RIMS1: variants seen among roughly 807,000 people sequenced by gnomAD.
RIMS1 encodes the protein regulating synaptic membrane exocytosis protein 1.
RIMS1 carries 83 observed loss-of-function variants against 214.1 expected under a neutral mutation model. The ratio of observed to expected loss-of-function variants is 0.39; its 90% CI spans 0.32 to 0.47. The LOEUF (loss-of-function observed/expected upper bound fraction) is 0.47, where lower values mean the gene tolerates loss of function less well. Among genes scored for constraint, RIMS1 ranks in the 20% least tolerant of loss-of-function variants. The pLI is 0.99. For synonymous variants in RIMS1, 793 were observed against 786.8 expected (o/e 1.01, Z -0.13); for missense variants, 2,050 against 2,161.8 (o/e 0.95, Z 1.03).
At chr6:72,138,253 T>C (rs1049759850) in intron 4 of RIMS1, among the ~76,000 whole-genome samples, 1 of 152,242 alleles carries the variant, frequency 6.6e-6, no homozygotes, top group Non-Finnish European at 1.5e-5. Flanking sequence ...ATGAAACTTA[T>C]TATTTTCAAA....
chr6:71,901,952 T>C (rs1293030186), intron 1 of RIMS1, among the ~76,000 whole-genome samples: 1 of 151,978 alleles, frequency 6.6e-6, no homozygotes, highest in Non-Finnish European at 1.5e-5. Flanking sequence ...GAAAGATGAA[T>C]AAAAACAAAT....
chr6:72,150,638 T>C (rs2153900310), intron 4 of RIMS1, among the ~76,000 whole-genome samples: 1 of 152,366 alleles, frequency 6.6e-6, no homozygotes, highest in South Asian at 2.1e-4. Context: ...TCACCTTACA[T>C]GTGATCTAAT....
intron 1 of RIMS1, among the ~76,000 whole-genome samples, chr6:71,925,819 T>C (rs1404762228): frequency 6.6e-6 from 1 of 152,276 alleles, no homozygotes; most frequent in Non-Finnish European, 1.5e-5. Context: ...CAAGTGATTA[T>C]GTCTTTGGAC....
chr6:72,186,190 C>G (rs563057016), intron 6 of RIMS1, among the ~76,000 whole-genome samples: 2 of 152,162 alleles, frequency 1.3e-5, no homozygotes, highest in Non-Finnish European at 2.9e-5. Flanking sequence ...GGGGTCAACC[C>G]CTAACCCCTG....
intron 1 of RIMS1, among the ~76,000 whole-genome samples, chr6:71,950,961 G>T (rs966321560): frequency 6.6e-6 from 1 of 152,138 alleles, no homozygotes; most frequent in African/African-American, 2.4e-5. Flanking sequence ...AGCATTTTAA[G>T]ATGTTATAAC....
intron 28 of RIMS1, among the ~76,000 whole-genome samples, chr6:72,333,064 G>C (rs2096725952): frequency 6.6e-6 from 1 of 151,872 alleles, no homozygotes; most frequent in African/African-American, 2.4e-5. Flanking sequence ...TGTTGTTTTA[G>C]TTTTAGTTTT....
At chr6:72,315,318 T>C (rs1053690785) in intron 28 of RIMS1, among the ~76,000 whole-genome samples, 68 of 152,350 alleles carry the variant, frequency 4.5e-4, no homozygotes, top group African/African-American at 1.3e-3. Flanking sequence ...AGAGTATAAA[T>C]AAACTTCTTA....
intron 9 of RIMS1, among the ~76,000 whole-genome samples, chr6:72,241,452 C>A (rs915723670): frequency 6.6e-6 from 1 of 152,012 alleles, no homozygotes; most frequent in African/African-American, 2.4e-5. Context: ...AAAATAAATA[C>A]TTTTTTTCAC....
chr6:71,892,931 T>G (rs886082964), intron 1 of RIMS1, among the ~76,000 whole-genome samples: 1 of 152,164 alleles, frequency 6.6e-6, no homozygotes, highest in African/African-American at 2.4e-5. Flanking sequence ...TGACTTTTTA[T>G]AGGTGTGAAC....
chr6:72,313,484 C>T (rs1427931865), intron 27 of RIMS1, 22 bp from the exon 28 acceptor site: 2 of 1,607,038 alleles, frequency 1.2e-6, no homozygotes, highest in Admixed American at 1.7e-5. Context: ...GGAGCTCACA[C>T]TTTCTTGTTT....
chr6:72,378,532 A>G (rs2154415049), intron 29 of RIMS1, among the ~76,000 whole-genome samples: 1 of 152,362 alleles, frequency 6.6e-6, no homozygotes, highest in South Asian at 2.1e-4. Context: ...TTAAACTATT[A>G]GAAAAGGACA....
intron 29 of RIMS1, among the ~76,000 whole-genome samples, chr6:72,352,076 G>A (rs913851192): frequency 6.6e-6 from 1 of 152,206 alleles, no homozygotes; most frequent in Non-Finnish European, 1.5e-5. Flanking sequence ...CATTGAAGTT[G>A]GCCGAGGAGG....
At position 72,333,810 on chromosome 6, in the gene RIMS1, A is replaced by G. The variant is rs1477448966; in HGVS notation, c.4341A>G (p.Arg1447=). ...TTGCCATAGTGTCTCGAAGGAGTAGAAGCACATCCCAGCTTAGTCAAACAG... is the reference window on the plus strand; with the variant it reads ...TTGCCATAGTGTCTCGAAGGAGTAGGAGCACATCCCAGCTTAGTCAAACAG... ...KVVAIVSRRS[R]STSQLSQTES... The change falls in exon 29 of 34, where the codon AGA becomes AGG. Residue 1447 remains arginine (R), a synonymous_variant. Coordinates refer to ENST00000521978, the MANE Select transcript of RIMS1 (RefSeq NM_014989.7). 10 of 1,588,402 alleles carry G rather than the reference A, an allele frequency of 6.3e-6. No homozygotes were observed. Among genetic ancestry groups the G allele is most frequent in the Non-Finnish European group, 8.6e-6 (10 of 1,167,134 alleles).
chr6:72,245,973 T>A (rs2069387903), intron 11 of RIMS1, 112 bp downstream of exon 11: 11 of 709,016 alleles, frequency 1.6e-5, no homozygotes, highest in Non-Finnish European at 2.4e-5. Flanking sequence ...ATACTAAAGA[T>A]GTCTCCATTG....
At chr6:72,295,094 T>A (rs1243175288) in intron 26 of RIMS1, among the ~76,000 whole-genome samples, 1 of 151,804 alleles carries the variant, frequency 6.6e-6, no homozygotes, top group Non-Finnish European at 1.5e-5. Flanking sequence ...CTGGATCTTT[T>A]AAAGAAGGAT....
At position 72,389,841 on chromosome 6, in the gene RIMS1, A is replaced by T. The variant is rs2098674038; in HGVS notation, c.4367-757A>T. Reference sequence around the variant, plus strand: ...AATAGAATGCTGGTTAGTGCATTTCAAAGTGGCTCAAGAAAATTCCTCTGA... The same window carrying T: ...AATAGAATGCTGGTTAGTGCATTTCTAAGTGGCTCAAGAAAATTCCTCTGA... On this transcript the variant is annotated intron_variant, in intron 29 of 33. Transcript: ENST00000521978. Among the ~76,000 whole-genome samples, 4 of 152,208 alleles carry T rather than the reference A, an allele frequency of 2.6e-5. No individual in the cohort carries two copies. In the South Asian group the frequency reaches 6.2e-4, roughly 24 times the overall value.
chr6:72,110,477 G>A (rs1451913774), intron 4 of RIMS1, among the ~76,000 whole-genome samples: 7 of 149,816 alleles, frequency 4.7e-5, no homozygotes, highest in Non-Finnish European at 1.5e-5. Flanking sequence ...GTGAATGGGA[G>A]TTCACTCATG....
At chr6:71,887,300 G>C in intron 1 of RIMS1, 113 bp downstream of exon 1, 1 of 1,409,986 alleles carries the variant, frequency 7.1e-7, no homozygotes, top group South Asian at 1.3e-5. Context: ...CAGGGTGCTG[G>C]GTGCGGACGG....
At chr6:71,970,844 A>T (rs949336547) in intron 2 of RIMS1, among the ~76,000 whole-genome samples, 4 of 152,202 alleles carry the variant, frequency 2.6e-5, no homozygotes, top group African/African-American at 7.2e-5. Context: ...TTGTGAATGG[A>T]ACTCTCCATA....
Sources: gnomAD v4.1 joint callset for allele counts (sites outside exome capture counted in the v4.1 genomes callset) on GRCh38, gnomAD v4.1.1 for gene constraint, MANE v1.5 for transcripts, NCBI Gene and HGNC (gene_info 2026-07-23, HGNC 2026-07-21) for gene names.